The following SYNPR variants were observed in gnomAD, a reference collection of about 807,000 sequenced individuals.
The protein encoded by SYNPR is synaptoporin.
A neutral mutation model predicts 32.9 loss-of-function variants in SYNPR; 23 were observed. The observed-to-expected ratio is 0.70, with a 90% CI of 0.50 to 0.99. SYNPR has a LOEUF of 0.99. Ranked by LOEUF, SYNPR falls within the 50% of genes least tolerant of loss-of-function variation. SYNPR has a pLI of 0.00. For missense variants in SYNPR, 318 were observed against 349.3 expected, an observed-to-expected ratio of 0.91 and a Z score of 0.71; for synonymous variants, 146 against 135.9, an observed-to-expected ratio of 1.07 and a Z score of -0.52.
chr3:63,511,009 G>C (rs978827664), intron 3 of SYNPR, among the ~76,000 whole-genome samples: 12 of 151,004 alleles, frequency 7.9e-5, no homozygotes, highest in Admixed American at 2.0e-4. Flanking sequence ...TGGGATGCTT[G>C]TTGAAATGCA....
At chr3:63,552,519 T>C (rs1391637082) in intron 3 of SYNPR, among the ~76,000 whole-genome samples, 1 of 152,146 alleles carries the variant, frequency 6.6e-6, no homozygotes, top group Non-Finnish European at 1.5e-5. Context: ...GTGCAATATA[T>C]ACAAGCAAAA....
At chr3:63,203,068 G>GTATATATTTATATA in the SYNPR span, 1 of 108,594 alleles carries the variant, frequency 9.2e-6, no homozygotes, top group Non-Finnish European at 1.8e-5. Context: ...ATATGTATGT[G>GTATATATTTATATA]TATATATATA....
intron 2 of SYNPR, among the ~76,000 whole-genome samples, chr3:63,398,636 G>A (rs1436638034): frequency 1.3e-5 from 2 of 151,894 alleles, no homozygotes; most frequent in East Asian, 1.9e-4. Flanking sequence ...GGAGAATGGC[G>A]TGAACCTAGG....
At chr3:63,296,866 A>G (rs1014784993) in intron 2 of SYNPR, among the ~76,000 whole-genome samples, 1 of 152,178 alleles carries the variant, frequency 6.6e-6, no homozygotes, top group Non-Finnish European at 1.5e-5. Context: ...GTCTAATAGA[A>G]CATTGTGCAA....
chr3:63,287,534 C>T (rs557784482), intron 2 of SYNPR, among the ~76,000 whole-genome samples: 17 of 152,088 alleles, frequency 1.1e-4, no homozygotes, highest in South Asian at 2.1e-4. Context: ...TGCTCATCAG[C>T]GCATTTTATG....
intron 2 of SYNPR, 119 bp downstream of exon 2, chr3:63,278,861 C>T: frequency 1.4e-6 from 1 of 728,596 alleles, no homozygotes; most frequent in South Asian, 2.3e-5. Context: ...ACCCTCAAGC[C>T]GGGGATTTCA....
intron 3 of SYNPR, among the ~76,000 whole-genome samples, chr3:63,546,497 AG>A (rs1020551369): frequency 1.3e-4 from 20 of 152,010 alleles, no homozygotes; most frequent in Admixed American, 2.0e-4. Flanking sequence ...GCTGGGGGTG[AG>A]GGGGGAACAG....
chr3:63,456,040 G>A (rs1004236475), intron 2 of SYNPR, among the ~76,000 whole-genome samples: 1 of 152,074 alleles, frequency 6.6e-6, no homozygotes, highest in Non-Finnish European at 1.5e-5. Context: ...TCACATCTTA[G>A]ATGGATGGCA....
intron 2 of SYNPR, among the ~76,000 whole-genome samples, chr3:63,321,432 T>C (rs1387786074): frequency 2.6e-5 from 4 of 152,080 alleles, no homozygotes; most frequent in African/African-American, 9.7e-5. Context: ...TCTCTATTTC[T>C]GGAATAGAAT....
At chr3:63,417,077 G>A (rs539809043) in intron 2 of SYNPR, among the ~76,000 whole-genome samples, 5 of 152,086 alleles carry the variant, frequency 3.3e-5, no homozygotes, top group African/African-American at 1.2e-4. Context: ...CTGAGACAAG[G>A]CCAGTCCCTT....
chr3:63,245,680 TGAGA>T (rs71992869), intron 1 of SYNPR, among the ~76,000 whole-genome samples: 18,295 of 123,218 alleles, frequency 0.15, 1,629 homozygotes, highest in Non-Finnish European at 0.21. Context: ...CTTTGTCAAG[TGAGA>T]GAGAGAGAGA....
chr3:63,507,363 T>C (rs1701609468), intron 3 of SYNPR, among the ~76,000 whole-genome samples: 1 of 142,064 alleles, frequency 7.0e-6, no homozygotes, highest in Non-Finnish European at 1.5e-5. Flanking sequence ...GTGCATAACC[T>C]CAATCTAATA....
At chr3:63,273,100 G>C (rs916880699) in intron 3 of SYNPR, among the ~76,000 whole-genome samples, 1 of 152,116 alleles carries the variant, frequency 6.6e-6, no homozygotes, top group Non-Finnish European at 1.5e-5. Context: ...GTTCTAGTAC[G>C]TTCCTGGAAT....
At chr3:63,542,810 G>A (rs890686010) in intron 3 of SYNPR, among the ~76,000 whole-genome samples, 2 of 152,086 alleles carry the variant, frequency 1.3e-5, no homozygotes, top group African/African-American at 4.8e-5. Context: ...TACCTGCTAA[G>A]TGAAAAGAAA....
rs1191853478 is a variant in SYNPR at position 63,283,611 on chromosome 3, C to T, written c.84+4869C>T. On this transcript the variant is annotated intron_variant, in intron 2 of 5. Coordinates refer to ENST00000478300, the MANE Select transcript of SYNPR (RefSeq NM_001130003.2). Reference sequence around the variant, plus strand: ...AACTAAGTTGGCATAGTCCTGTCTTCCACAGATAATTCTTTTTTTTTTTTT... The same window carrying T: ...AACTAAGTTGGCATAGTCCTGTCTTTCACAGATAATTCTTTTTTTTTTTTT... Among the ~76,000 whole-genome samples, 3 of 147,904 alleles carry T rather than the reference C, an allele frequency of 2.0e-5. No homozygotes were observed. The South Asian group carries it at 6.5e-4, about 32-fold the overall frequency.
chr3:63,317,148 C>T (rs1402353995), intron 2 of SYNPR, among the ~76,000 whole-genome samples: 7 of 151,892 alleles, frequency 4.6e-5, no homozygotes, highest in African/African-American at 1.7e-4. Flanking sequence ...ATTTTATGGC[C>T]TATCATATGA....
intron 2 of SYNPR, among the ~76,000 whole-genome samples, chr3:63,463,643 C>G (rs528553721): frequency 6.6e-6 from 1 of 152,012 alleles, no homozygotes; most frequent in Admixed American, 6.6e-5. Flanking sequence ...CCACCATGTC[C>G]GCATGACAAT....
At chr3:63,209,599 C>A in the SYNPR span, among the ~76,000 whole-genome samples, 16 of 152,244 alleles carry the variant, frequency 1.1e-4, no homozygotes, top group African/African-American at 3.4e-4. Flanking sequence ...TTGGTTTTAC[C>A]AGCATGTTCT....
At chr3:63,455,787 G>GTGTGT (rs1559504354) in intron 2 of SYNPR, among the ~76,000 whole-genome samples, 2 of 151,216 alleles carry the variant, frequency 1.3e-5, no homozygotes. Flanking sequence ...GTGTGTGTGT[G>GTGTGT]GATCTTCAGA....
Sources: gnomAD v4.1 joint callset for allele counts (sites outside exome capture counted in the v4.1 genomes callset) on GRCh38, gnomAD v4.1.1 for gene constraint, MANE v1.5 for transcripts, NCBI Gene and HGNC (gene_info 2026-07-23, HGNC 2026-07-21) for gene names.